PKD2L1: variants seen among roughly 807,000 people sequenced by gnomAD.
The protein encoded by PKD2L1 is polycystin 2 like 1, transient receptor potential cation channel.
Under a neutral mutation model 93.0 loss-of-function variants are expected in PKD2L1, and 77 were observed. That is an observed-to-expected ratio of 0.83 (90% CI 0.69 to 1.00). The LOEUF (loss-of-function observed/expected upper bound fraction) is 1.00, where lower values mean the gene tolerates loss of function less well. PKD2L1 is among the 50% of genes least tolerant of loss of function. PKD2L1 has a pLI of 0.00. For missense variants in PKD2L1, 977 were observed against 990.9 expected (o/e 0.99, Z 0.19); for synonymous variants, 390 against 388.0 (o/e 1.01, Z -0.06).
intron 2 of PKD2L1, among the ~76,000 whole-genome samples, chr10:100,305,418 G>A (rs1490284545): frequency 6.6e-6 from 1 of 152,060 alleles, no homozygotes; most frequent in African/African-American, 2.4e-5. Context: ...CCGGCCAAGT[G>A]AATCAATTTC....
chr10:100,326,566 G>A (rs1849384370), intron 2 of PKD2L1, among the ~76,000 whole-genome samples: 1 of 152,190 alleles, frequency 6.6e-6, no homozygotes, highest in Non-Finnish European at 1.5e-5. Context: ...ACTCTGTGCT[G>A]GTCAGATTGT....
At chr10:100,303,691 AC>A (rs1364319264) in intron 2 of PKD2L1, among the ~76,000 whole-genome samples, 2 of 152,126 alleles carry the variant, frequency 1.3e-5, no homozygotes, top group Non-Finnish European at 2.9e-5. Flanking sequence ...CCCATTCCAC[AC>A]TGTTAAGTCC....
At chr10:100,324,576 T>C (rs375054989) in intron 2 of PKD2L1, among the ~76,000 whole-genome samples, 1 of 152,224 alleles carries the variant, frequency 6.6e-6, no homozygotes, top group Admixed American at 6.5e-5. Context: ...ATTTTTTTAA[T>C]GAACAGTCTA....
At position 100,293,304 on chromosome 10, in the gene PKD2L1, G is replaced by T. The variant is rs780141976; in HGVS notation, c.1735C>A (p.Gln579Lys). The T allele has an allele frequency of 3.1e-6, 5 of 1,612,444 alleles. No homozygotes were observed. Among genetic ancestry groups the T allele is most frequent in the Non-Finnish European group, 4.2e-6 (5 of 1,178,432 alleles). ...EELAGQKDEL[Q>K]LSDLLKQGYN... ...ACCTGTTTCAGGAGGTCAGAAAGTT[G>T]CAGCTCATCCTTCTGTCCAGCCAGC... Residue 579 changes from glutamine to lysine, a missense_variant, in exon 10 of 16, where the codon CAA (glutamine) becomes AAA (lysine). Gln to Lys is a moderately conservative substitution (Grantham distance 53). Coordinates refer to ENST00000318222, the MANE Select transcript of PKD2L1 (RefSeq NM_016112.3).
chr10:100,290,379 A>G, intron 13 of PKD2L1, 22 bp downstream of exon 13: 3 of 1,520,178 alleles, frequency 2.0e-6, no homozygotes, highest in Non-Finnish European at 2.7e-6. Context: ...GCCCTGAACC[A>G]GCCTTTCTTG....
At position 100,322,506 on chromosome 10, in the gene PKD2L1, T is replaced by C. The variant is rs189672387; in HGVS notation, c.349+6705A>G. On this transcript the variant is annotated intron_variant, in intron 2 of 15. Coordinates refer to ENST00000318222, the MANE Select transcript of PKD2L1 (RefSeq NM_016112.3). Reference sequence around the variant, plus strand: ...AAAAAAAAACTACTTAGAAATATGATGAAATGTTATAAATGATGAAAGTAT... The same window carrying C: ...AAAAAAAAACTACTTAGAAATATGACGAAATGTTATAAATGATGAAAGTAT... 6.1e-4 allele frequency among the ~76,000 whole-genome samples: 92 copies of C among 151,252 alleles called. 1 individual carries two copies. Among genetic ancestry groups the C allele is most frequent in the Admixed American group, 4.1e-3 (63 of 15,182 alleles).
At position 100,329,283 on chromosome 10, in the gene PKD2L1, G is replaced by T. The variant is rs757832487; in HGVS notation, c.277C>A (p.Arg93=). The T allele has an allele frequency of 6.2e-7, 1 of 1,613,944 alleles. No individual in the cohort carries two copies. The highest frequency in any genetic ancestry group is 1.3e-5 in the African/African-American group (1 of 74,890). Residue 93 remains arginine (R), a synonymous_variant, in exon 2 of 16, where the codon CGG becomes AGG. Transcript: ENST00000318222. ...TTLTENTAEN[R]ELYIKTTLRE... ...AGGGTGGTCTTGATATAAAGTTCCC[G>T]GTTCTCAGCTGTGTTCTCAGTCAGG...
chr10:100,301,120 T>C (rs1187906645), intron 2 of PKD2L1, among the ~76,000 whole-genome samples: 1 of 152,092 alleles, frequency 6.6e-6, no homozygotes, highest in African/African-American at 2.4e-5. Flanking sequence ...ATTAGCAATT[T>C]TCAAAGGGGA....
At chr10:100,294,502 C>G in intron 9 of PKD2L1, 33 bp downstream of exon 9, 6 of 1,613,586 alleles carry the variant, frequency 3.7e-6, no homozygotes, top group Non-Finnish European at 5.1e-6. Context: ...CCTGCAGGCT[C>G]TCTATGTCCC....
chr10:100,308,039 A>G (rs539717030), intron 2 of PKD2L1, among the ~76,000 whole-genome samples: 15 of 152,306 alleles, frequency 9.8e-5, no homozygotes, highest in Non-Finnish European at 1.6e-4. Flanking sequence ...GATGATAACT[A>G]CATGAGAATG....
Position 100,300,854 on chromosome 10 carries a change from ATT to A in PKD2L1, c.350-1138_350-1137del, listed in dbSNP as rs35348493. Among the ~76,000 whole-genome samples, 10 of 151,316 alleles carry A rather than the reference ATT, an allele frequency of 6.6e-5. No individual in the cohort carries two copies. In the East Asian group the frequency reaches 1.6e-3, roughly 24 times the overall value. ...TTATTACTAACATTGTCAAATGGTGATTTTTTTTTTCACTGTTGTTGCCCAGG... is the reference window on the plus strand; with the variant it reads ...TTATTACTAACATTGTCAAATGGTGATTTTTTTTCACTGTTGTTGCCCAGG... On this transcript the variant is annotated intron_variant, in intron 2 of 15. Coordinates refer to ENST00000318222, the MANE Select transcript of PKD2L1 (RefSeq NM_016112.3).
chr10:100,320,022 A>G (rs1031043404), intron 2 of PKD2L1, among the ~76,000 whole-genome samples: 1 of 152,256 alleles, frequency 6.6e-6, no homozygotes, highest in African/African-American at 2.4e-5. Flanking sequence ...AGGGAGAGCC[A>G]GGAAGATAAT....
intron 12 of PKD2L1, among the ~76,000 whole-genome samples, chr10:100,290,908 C>G (rs979936914): frequency 6.6e-6 from 1 of 152,194 alleles, no homozygotes; most frequent in African/African-American, 2.4e-5. Context: ...GAATCCAAGT[C>G]TGAAAATTCC....
chr10:100,291,714 TC>T (rs1339281056), intron 11 of PKD2L1, among the ~76,000 whole-genome samples: 2 of 152,094 alleles, frequency 1.3e-5, no homozygotes, highest in Non-Finnish European at 2.9e-5. Flanking sequence ...TCCCCTTTAC[TC>T]CCTACCCCTG....
chr10:100,302,596 T>G (rs943577039), intron 2 of PKD2L1, among the ~76,000 whole-genome samples: 1 of 151,012 alleles, frequency 6.6e-6, no homozygotes, highest in African/African-American at 2.4e-5. Context: ...CCCAGCTGCT[T>G]GGGAGGCTGA....
intron 2 of PKD2L1, among the ~76,000 whole-genome samples, chr10:100,302,282 T>C (rs1036676957): frequency 1.5e-4 from 15 of 98,484 alleles, no homozygotes; most frequent in East Asian, 1.1e-3. Flanking sequence ...CACACACACA[T>C]ATCAATTAGA....
intron 2 of PKD2L1, among the ~76,000 whole-genome samples, chr10:100,327,269 A>G (rs918727392): frequency 1.3e-5 from 2 of 152,214 alleles, no homozygotes; most frequent in Non-Finnish European, 2.9e-5. Context: ...GGGAAGGATC[A>G]CAGAGAAAGG....
At chr10:100,328,108 C>G (rs1359740839) in intron 2 of PKD2L1, among the ~76,000 whole-genome samples, 1 of 152,078 alleles carries the variant, frequency 6.6e-6, no homozygotes, top group Admixed American at 6.6e-5. Context: ...AAAACACAAC[C>G]CCACACACAA....
intron 4 of PKD2L1, 152 bp from the exon 5 acceptor site, chr10:100,297,758 A>T: frequency 3.4e-6 from 2 of 582,700 alleles, no homozygotes; most frequent in South Asian, 4.3e-5. Flanking sequence ...GAGATATGTG[A>T]TATATACATA....
Sources: gnomAD v4.1 joint callset for allele counts (sites outside exome capture counted in the v4.1 genomes callset) on GRCh38, gnomAD v4.1.1 for gene constraint, MANE v1.5 for transcripts, NCBI Gene and HGNC (gene_info 2026-07-23, HGNC 2026-07-21) for gene names.